Variants in CDH12 observed in about 807,000 individuals in gnomAD.
CDH12 encodes the protein cadherin-12.
A neutral mutation model predicts 74.1 loss-of-function variants in CDH12; 41 were observed. The ratio of observed to expected loss-of-function variants is 0.55; its 90% CI spans 0.43 to 0.72. The LOEUF (loss-of-function observed/expected upper bound fraction) is 0.72. Among genes scored for constraint, CDH12 ranks in the 30% least tolerant of loss-of-function variants. CDH12 has a pLI of 0.00. For synonymous variants in CDH12, 399 were observed against 355.0 expected (o/e 1.12, Z -1.39); for missense variants, 945 against 977.2 (o/e 0.97, Z 0.44).
rs117044611 is a variant in CDH12, at chr5:22,481,995, T to C, written c.-428+23275A>G. 8.8e-4 allele frequency among the ~76,000 whole-genome samples: 134 copies of C among 152,278 alleles called. 2 individuals are homozygous for C. The East Asian group carries it at 0.02, about 23-fold the overall frequency. ...TTTTAGTATATCAATTATGCACCAATGAAGCTGTTAAACAAATTAATGTGG... is the reference window on the plus strand; with the variant it reads ...TTTTAGTATATCAATTATGCACCAACGAAGCTGTTAAACAAATTAATGTGG... On this transcript the variant is annotated intron_variant, in intron 2 of 14. Coordinates refer to ENST00000382254, the MANE Select transcript of CDH12 (RefSeq NM_004061.5).
intron 4 of CDH12, among the ~76,000 whole-genome samples, chr5:22,144,568 A>G (rs923738607): frequency 6.6e-6 from 1 of 152,134 alleles, no homozygotes; most frequent in Non-Finnish European, 1.5e-5. Context: ...GAAAATTGGG[A>G]TAAAAATGTG....
rs1261416068 is a variant in CDH12 at position 21,867,543 on chromosome 5, T to A, written c.527-12753A>T. On this transcript the variant is annotated intron_variant, in intron 6 of 14. Coordinates refer to ENST00000382254, the MANE Select transcript of CDH12 (RefSeq NM_004061.5). ...ATGTGAGACATGTAGTCAAAGGAGA[T>A]CATTTTGGAACTTTAAGATTTGACT... is the stretch of plus-strand genomic sequence containing the variant. Among the ~76,000 whole-genome samples, 3 of 152,142 alleles carry A rather than the reference T, an allele frequency of 2.0e-5. No individual in the cohort carries two copies. In the East Asian group the frequency reaches 5.8e-4, roughly 29 times the overall value.
intron 4 of CDH12, among the ~76,000 whole-genome samples, chr5:22,163,974 T>G (rs1287841442): frequency 6.6e-6 from 1 of 152,186 alleles, no homozygotes; most frequent in Non-Finnish European, 1.5e-5. Context: ...AGTTACATAA[T>G]TCACATTATG....
At chr5:21,787,545 G>C (rs913685300) in intron 10 of CDH12, among the ~76,000 whole-genome samples, 6 of 152,132 alleles carry the variant, frequency 3.9e-5, no homozygotes, top group African/African-American at 1.4e-4. Context: ...CGAAAAAACT[G>C]TTTGACTTGC....
At chr5:21,767,012 C>T (rs918986807) in intron 11 of CDH12, among the ~76,000 whole-genome samples, 2 of 151,696 alleles carry the variant, frequency 1.3e-5, no homozygotes, top group African/African-American at 4.8e-5. Context: ...ATATATTGAG[C>T]TTTAGATGAA....
chr5:22,461,060 G>A (rs1312295186), intron 2 of CDH12, among the ~76,000 whole-genome samples: 2 of 90,742 alleles, frequency 2.2e-5, no homozygotes, highest in Non-Finnish European at 4.1e-5. Flanking sequence ...TTTTGAGACA[G>A]TCTTGCTGGG....
rs1489154748 is a variant in CDH12, at chr5:22,705,194, T to C, written c.-523+147864A>G. 2.9e-5 allele frequency among the ~76,000 whole-genome samples: 4 copies of C among 138,780 alleles called. No homozygotes were observed. In the East Asian group the frequency reaches 9.1e-4, roughly 32 times the overall value. 91.0% of individuals were successfully genotyped at this position (138,780 alleles called of 152,430 possible). On this transcript the variant is annotated intron_variant, in intron 1 of 14. Transcript: ENST00000382254. The stretch of plus-strand genomic sequence containing the variant: ...GAGATACGTGTGTGTGTATCTTGCA[T>C]TGGTTCTTTGAATTTGTAACTTACA...
intron 5 of CDH12, among the ~76,000 whole-genome samples, chr5:22,037,254 A>G (rs1475066512): frequency 6.6e-6 from 1 of 152,134 alleles, no homozygotes; most frequent in Admixed American, 6.5e-5. Context: ...CGACATGATT[A>G]ATTTAAGGAT....
intron 1 of CDH12, among the ~76,000 whole-genome samples, chr5:22,708,346 C>T (rs1416742950): frequency 1.3e-5 from 2 of 152,128 alleles, no homozygotes; most frequent in Non-Finnish European, 2.9e-5. Flanking sequence ...CAAACTCTCC[C>T]AAACCGGCAT....
intron 1 of CDH12, among the ~76,000 whole-genome samples, chr5:22,846,005 G>C (rs1209987730): frequency 6.6e-6 from 1 of 152,112 alleles, no homozygotes; most frequent in Non-Finnish European, 1.5e-5. Flanking sequence ...GAAGTTACTG[G>C]GTTTTTGAAG....
intron 6 of CDH12, among the ~76,000 whole-genome samples, chr5:21,891,666 T>C (rs1365771630): frequency 6.6e-6 from 1 of 151,900 alleles, no homozygotes; most frequent in Non-Finnish European, 1.5e-5. Context: ...AGTTAATCTT[T>C]GGATTAAGTG....
intron 8 of CDH12, among the ~76,000 whole-genome samples, chr5:21,833,251 A>ATATTATATG (rs1561225464): frequency 7.6e-5 from 1 of 13,218 alleles, no homozygotes; most frequent in Admixed American, 1.7e-3. Flanking sequence ...TATATTATAT[A>ATATTATATG]TTATATAACA....
intron 1 of CDH12, among the ~76,000 whole-genome samples, chr5:22,685,681 T>G (rs558304455): frequency 6.6e-6 from 1 of 152,366 alleles, no homozygotes; most frequent in African/African-American, 2.4e-5. Flanking sequence ...CTGGTTTATT[T>G]CACTTACTGT....
chr5:22,722,489 A>G (rs767972777), intron 1 of CDH12, among the ~76,000 whole-genome samples: 1 of 152,244 alleles, frequency 6.6e-6, no homozygotes, highest in Non-Finnish European at 1.5e-5. Context: ...TATATATTCA[A>G]TTATAACTAT....
intron 3 of CDH12, among the ~76,000 whole-genome samples, chr5:22,222,383 C>G (rs1162513172): frequency 2.0e-5 from 3 of 151,830 alleles, no homozygotes; most frequent in African/African-American, 7.2e-5. Context: ...CTCTAAAGAC[C>G]ACGAATTAGG....
intron 6 of CDH12, among the ~76,000 whole-genome samples, chr5:21,951,307 G>A (rs1755850845): frequency 6.6e-6 from 1 of 152,028 alleles, no homozygotes; most frequent in Non-Finnish European, 1.5e-5. Context: ...GGAGTGCAGT[G>A]GTGCGGTCTC....
intron 3 of CDH12, among the ~76,000 whole-genome samples, chr5:22,358,753 A>G (rs1241358470): frequency 6.6e-6 from 1 of 152,190 alleles, no homozygotes; most frequent in African/African-American, 2.4e-5. Flanking sequence ...TGACCATAAG[A>G]GTGATGACAC....
intron 1 of CDH12, among the ~76,000 whole-genome samples, chr5:22,760,758 G>C (rs1580973314): frequency 6.9e-6 from 1 of 145,812 alleles, no homozygotes; most frequent in African/African-American, 2.5e-5. Context: ...TGTATTCTTT[G>C]TAGAGAAGAA....
intron 1 of CDH12, among the ~76,000 whole-genome samples, chr5:22,693,680 CATAAT>C (rs1343720611): frequency 2.0e-5 from 3 of 151,926 alleles, no homozygotes; most frequent in African/African-American, 4.8e-5. Flanking sequence ...AATTATACAA[CATAAT>C]ATATGTGTTT....
Sources: allele counts gnomAD v4.1 joint callset (sites outside exome capture counted in the v4.1 genomes callset), GRCh38; gene constraint gnomAD v4.1.1; transcripts MANE v1.5; gene names NCBI Gene and HGNC (gene_info 2026-07-23, HGNC 2026-07-21).